The following PTPRD variants were observed in gnomAD, a reference collection of about 807,000 sequenced individuals.
PTPRD encodes the protein protein tyrosine phosphatase receptor type D, also known as receptor-type tyrosine-protein phosphatase delta.
A neutral mutation model predicts 214.5 loss-of-function variants in PTPRD; 34 were observed. The ratio of observed to expected loss-of-function variants is 0.16; its 90% confidence interval spans 0.12 to 0.21. PTPRD has a LOEUF of 0.21. PTPRD is among the 10% of genes least tolerant of loss of function. The pLI is 1.00. For missense variants in PTPRD, 2,545 were observed against 2,398.7 expected (o/e 1.06, Z -1.27); for synonymous variants, 1,128 against 845.7 (o/e 1.33, Z -5.79).
chr9:9,818,786 T>C (rs914231171), intron 5 of PTPRD, among the ~76,000 whole-genome samples: 3 of 151,634 alleles, frequency 2.0e-5, no homozygotes, highest in African/African-American at 7.3e-5. Flanking sequence ...TGTAGTGGTG[T>C]GCGCCTGTAA....
intron 3 of PTPRD, among the ~76,000 whole-genome samples, chr9:10,287,177 T>A (rs773494644): frequency 1.3e-5 from 2 of 152,188 alleles, no homozygotes; most frequent in Non-Finnish European, 2.9e-5. Flanking sequence ...ATTCCACTTT[T>A]GGACCAAAGG....
chr9:9,330,959 A>G (rs1397417040), intron 9 of PTPRD, among the ~76,000 whole-genome samples: 1 of 150,676 alleles, frequency 6.6e-6, no homozygotes, highest in Non-Finnish European at 1.5e-5. Context: ...AGCTTTTCCT[A>G]TACTAGGAGC....
rs1017968025 is a variant in PTPRD at position 10,612,678 on chromosome 9, G to C, written c.-708+10C>G. ...CTTGGGTCCTGCTAATTATTCTGAA[G>C]GCAAAGTACCTGCACTCTCCCCGCC... On this transcript the variant is annotated intron_variant, in intron 1 of 45. Transcript: ENST00000381196. 5 of 152,380 alleles carry C rather than the reference G, an allele frequency of 3.3e-5. No individual in the cohort carries two copies. Among genetic ancestry groups the C allele is most frequent in the African/African-American group, 7.2e-5 (3 of 41,574 alleles). 9.4% of individuals were successfully genotyped at this position (152,380 alleles called of 1,614,324 possible). A position where few individuals can be genotyped will look rare whatever the true frequency, so the allele number is the denominator to read the frequency against.
chr9:9,823,171 T>C (rs1252011718), intron 5 of PTPRD, among the ~76,000 whole-genome samples: 2 of 151,982 alleles, frequency 1.3e-5, no homozygotes, highest in Non-Finnish European at 2.9e-5. Context: ...GGGTAATTTA[T>C]AAAGAAAAGA....
chr9:9,915,491 G>C (rs911155726), intron 5 of PTPRD, among the ~76,000 whole-genome samples: 1 of 151,382 alleles, frequency 6.6e-6, no homozygotes. Context: ...ACATCAGGAA[G>C]ACAACTCATG....
At chr9:9,478,630 CAA>C (rs1482040577) in intron 8 of PTPRD, among the ~76,000 whole-genome samples, 1 of 152,126 alleles carries the variant, frequency 6.6e-6, no homozygotes, top group Non-Finnish European at 1.5e-5. Context: ...CTCTCTATCC[CAA>C]AGAGTTAGCC....
chr9:8,446,192 T>C (rs966978043), intron 34 of PTPRD, among the ~76,000 whole-genome samples: 2 of 152,230 alleles, frequency 1.3e-5, no homozygotes, highest in Non-Finnish European at 2.9e-5. Context: ...CAACTATGTT[T>C]GTGGTACTGC....
At chr9:9,712,964 T>G (rs1230430932) in intron 7 of PTPRD, among the ~76,000 whole-genome samples, 2 of 152,222 alleles carry the variant, frequency 1.3e-5, no homozygotes, top group Non-Finnish European at 2.9e-5. Flanking sequence ...AAAACTCATT[T>G]GCTAAATCAG....
At chr9:9,588,592 T>C (rs1320779023) in intron 7 of PTPRD, among the ~76,000 whole-genome samples, 1 of 152,026 alleles carries the variant, frequency 6.6e-6, no homozygotes, top group African/African-American at 2.4e-5. Flanking sequence ...CCCAGGAATA[T>C]ATTTCTTAAA....
intron 5 of PTPRD, among the ~76,000 whole-genome samples, chr9:9,811,327 A>C (rs542031624): frequency 6.6e-6 from 1 of 152,334 alleles, no homozygotes; most frequent in South Asian, 2.1e-4. Context: ...GAGAACTAGA[A>C]CTACAAGTGG....
chr9:9,027,496 C>G (rs962643160), intron 10 of PTPRD, among the ~76,000 whole-genome samples: 1 of 151,774 alleles, frequency 6.6e-6, no homozygotes, highest in Non-Finnish European at 1.5e-5. Context: ...ATTTTAGCAT[C>G]AATATTATTA....
chr9:8,807,209 T>C (rs562704614), intron 11 of PTPRD, among the ~76,000 whole-genome samples: 2 of 152,124 alleles, frequency 1.3e-5, no homozygotes, highest in Admixed American at 1.3e-4. Flanking sequence ...TGGTAGTGCA[T>C]GCCTGTAATC....
chr9:10,114,179 C>T (rs1282538028), intron 3 of PTPRD, among the ~76,000 whole-genome samples: 1 of 152,026 alleles, frequency 6.6e-6, no homozygotes, highest in Admixed American at 6.6e-5. Flanking sequence ...TCATTCAATC[C>T]CTTGGTTTTA....
At chr9:8,964,593 T>C (rs1386287487) in intron 11 of PTPRD, among the ~76,000 whole-genome samples, 1 of 152,018 alleles carries the variant, frequency 6.6e-6, no homozygotes, top group Non-Finnish European at 1.5e-5. Flanking sequence ...TTCATTCTTC[T>C]AGTTTGGAGT....
At chr9:9,490,210 T>C (rs1247906132) in intron 8 of PTPRD, among the ~76,000 whole-genome samples, 1 of 152,020 alleles carries the variant, frequency 6.6e-6, no homozygotes, top group East Asian at 1.9e-4. Flanking sequence ...ATAAACAAAG[T>C]TGCTGGAGTT....
intron 9 of PTPRD, among the ~76,000 whole-genome samples, chr9:9,294,655 C>A (rs921399830): frequency 6.6e-6 from 1 of 151,540 alleles, no homozygotes; most frequent in Non-Finnish European, 1.5e-5. Context: ...AGATGGAGGC[C>A]GTCTATCAGC....
Position 10,099,339 on chromosome 9 carries a change from AGG to A in PTPRD, c.-544-65551_-544-65550del, listed in dbSNP as rs550535107. Among the ~76,000 whole-genome samples, 518 of 151,754 alleles carry A rather than the reference AGG, an allele frequency of 3.4e-3. 4 individuals are homozygous for A. Among genetic ancestry groups the A allele is most frequent in the African/African-American group, 1.0e-2 (413 of 41,502 alleles). ...TCGGAATAAAATAACATCCTCCAAA[AGG>A]GTTGGTGAGAATCACATGAGTTAAT... On this transcript the variant is annotated intron_variant, in intron 3 of 45. Transcript: ENST00000381196.
intron 5 of PTPRD, among the ~76,000 whole-genome samples, chr9:9,778,078 C>A (rs2098812743): frequency 6.6e-6 from 1 of 152,136 alleles, no homozygotes; most frequent in Non-Finnish European, 1.5e-5. Context: ...GTGACACTCC[C>A]ATTGAGAGAG....
chr9:8,985,418 C>T (rs192005743), intron 11 of PTPRD, among the ~76,000 whole-genome samples: 1 of 151,950 alleles, frequency 6.6e-6, no homozygotes, highest in East Asian at 1.9e-4. Context: ...AACATAGATC[C>T]ATTAATACAG....
Sources: allele counts gnomAD v4.1 joint callset (sites outside exome capture counted in the v4.1 genomes callset), GRCh38; gene constraint gnomAD v4.1.1; transcripts MANE v1.5; gene names NCBI Gene and HGNC (gene_info 2026-07-23, HGNC 2026-07-21).